RERE: variants seen among roughly 807,000 people sequenced by gnomAD.
RERE encodes arginine-glutamic acid dipeptide repeats.
RERE carries 40 observed loss-of-function variants against 146.1 expected under a neutral mutation model. The ratio of observed to expected loss-of-function variants is 0.27; its 90% CI spans 0.21 to 0.36. The LOEUF is 0.36. Ranked by LOEUF, RERE falls within the 10% of genes least tolerant of loss-of-function variation. RERE has a pLI of 1.00. For missense variants in RERE, 1,933 were observed against 2,138.7 expected (o/e 0.90, Z 1.90); for synonymous variants, 1,003 against 866.0 (o/e 1.16, Z -2.78).
At chr1:8,762,345 T>C (rs968378171) in intron 1 of RERE, among the ~76,000 whole-genome samples, 2 of 152,128 alleles carry the variant, frequency 1.3e-5, no homozygotes, top group Non-Finnish European at 2.9e-5. Context: ...AAAATATACT[T>C]GCACACAGTA....
intron 11 of RERE, among the ~76,000 whole-genome samples, chr1:8,427,800 G>T (rs1231754949): frequency 6.6e-6 from 1 of 152,058 alleles, no homozygotes; most frequent in African/African-American, 2.4e-5. Flanking sequence ...CCTGAAAATC[G>T]AAACAAAGAC....
At chr1:8,545,312 A>C (rs1164757157) in intron 6 of RERE, among the ~76,000 whole-genome samples, 1 of 152,200 alleles carries the variant, frequency 6.6e-6, no homozygotes, top group African/African-American at 2.4e-5. Context: ...TCATTTCAGT[A>C]ATCCTTCCGA....
At chr1:8,647,519 TATGA>T (rs1570560203) in intron 2 of RERE, among the ~76,000 whole-genome samples, 1 of 152,276 alleles carries the variant, frequency 6.6e-6, no homozygotes, top group Non-Finnish European at 1.5e-5. Context: ...CACCACAAAA[TATGA>T]ATGTTTCAAG....
chr1:8,816,415 C>G (rs1005310930), intron 1 of RERE, among the ~76,000 whole-genome samples: 2 of 152,136 alleles, frequency 1.3e-5, no homozygotes, highest in African/African-American at 2.4e-5. Flanking sequence ...AAATTGTAAG[C>G]AAACCTTGGA....
At chr1:8,813,668 A>G (rs7550782) in intron 1 of RERE, among the ~76,000 whole-genome samples, 139,793 of 149,072 alleles carry the variant, frequency 0.94, 65,654 homozygotes, top group East Asian at 1. Flanking sequence ...AGGATGGAGT[A>G]CAGTGGTGCC....
intron 12 of RERE, among the ~76,000 whole-genome samples, chr1:8,402,779 T>C (rs1263789238): frequency 2.0e-5 from 3 of 152,242 alleles, no homozygotes; most frequent in Non-Finnish European, 4.4e-5. Context: ...GCTTGCCTTC[T>C]TTTCCTAGCC....
chr1:8,442,398 A>G (rs1644261400), intron 11 of RERE, among the ~76,000 whole-genome samples: 1 of 151,774 alleles, frequency 6.6e-6, no homozygotes, highest in South Asian at 2.1e-4. Context: ...AAAAAAAAAA[A>G]AAAAAAAGCT....
intron 1 of RERE, among the ~76,000 whole-genome samples, chr1:8,758,856 A>C (rs1258589755): frequency 2.1e-5 from 3 of 140,278 alleles, no homozygotes; most frequent in Non-Finnish European, 4.7e-5. Context: ...TCCTCACCAC[A>C]AAAAAAAAAA....
intron 4 of RERE, among the ~76,000 whole-genome samples, chr1:8,587,714 T>C (rs181871178): frequency 4.6e-5 from 7 of 152,322 alleles, no homozygotes; most frequent in African/African-American, 1.7e-4. Flanking sequence ...ACCTTTCCAG[T>C]TCTATCCCCC....
At position 8,508,553 on chromosome 1, in the gene RERE, C is replaced by T. The variant is rs181993740; in HGVS notation, c.879+74G>A. 2,371 of 1,140,352 alleles carry T rather than the reference C, an allele frequency of 2.1e-3. 22 individuals carry two copies. The highest frequency in any genetic ancestry group is 3.6e-3 in the African/African-American group (229 of 64,390). The allele number at this position is 1,140,352 out of a possible 1,614,324, so 70.6% of individuals were successfully genotyped here. A position where few individuals can be genotyped will look rare whatever the true frequency, so the allele number is the denominator to read the frequency against. ...GCAATAACCACATTCTAAGATGCTGCGCAACAGAATAAAGTGCCAGCAGAG... is the reference window on the plus strand; with the variant it reads ...GCAATAACCACATTCTAAGATGCTGTGCAACAGAATAAAGTGCCAGCAGAG... On this transcript the variant is annotated intron_variant, in intron 8 of 22. Coordinates refer to ENST00000400908, the MANE Select transcript of RERE (RefSeq NM_001042681.2).
Position 8,363,964 on chromosome 1 carries a change from C to T in RERE, c.1740+92G>A, listed in dbSNP as rs191027207. The T allele has an allele frequency of 1.9e-4, 231 of 1,211,380 alleles. 1 individual carries two copies. Among genetic ancestry groups the T allele is most frequent in the African/African-American group, 1.7e-3 (112 of 66,708 alleles). The allele number at this position is 1,211,380 out of a possible 1,614,324, so 75.0% of individuals were successfully genotyped here. ...CCAGGACTTTGTCTGGTAAACAAGACTTTCGCTTCCTCCCCCTGGGAGGCT... is the reference window on the plus strand; with the variant it reads ...CCAGGACTTTGTCTGGTAAACAAGATTTTCGCTTCCTCCCCCTGGGAGGCT... On this transcript the variant is annotated intron_variant, in intron 15 of 22. Coordinates refer to ENST00000400908, the MANE Select transcript of RERE (RefSeq NM_001042681.2).
At chr1:8,555,399 C>T (rs1458540724) in intron 6 of RERE, among the ~76,000 whole-genome samples, 2 of 152,106 alleles carry the variant, frequency 1.3e-5, no homozygotes, top group African/African-American at 4.8e-5. Flanking sequence ...TCAGCTGACC[C>T]GAAAAGCTTG....
At chr1:8,416,392 T>A (rs1050455871) in intron 12 of RERE, among the ~76,000 whole-genome samples, 12 of 152,170 alleles carry the variant, frequency 7.9e-5, no homozygotes, top group African/African-American at 2.9e-4. Flanking sequence ...GAGACCATCC[T>A]GGTTAACATG....
rs1423757623 is a variant in RERE, at chr1:8,361,040, G to A, written c.2467C>T (p.His823Tyr). Residue 823 changes from histidine to tyrosine, a missense_variant, in exon 18 of 23, where the codon CAT (histidine) becomes TAT (tyrosine). By Grantham distance (83) the His-to-Tyr change is moderately conservative (BLOSUM62 2). Around this residue, in one of 11 missense-constraint regions of RERE, gnomAD observed 1,255 missense variants for 1,153.8 expected, o/e 1.09. Transcript: ENST00000400908. ...CCAGTCAGAGGCTGCAGCGGGGGAT[G>A]TGGCGAGGGATGCGGCGGGGGATGC... ...SPHPPPHPSP[H>Y]PPLQPLTGSA... 2 of 1,438,746 alleles carry A rather than the reference G, an allele frequency of 1.4e-6. No individual in the cohort carries two copies. Among genetic ancestry groups the A allele is most frequent in the Non-Finnish European group, 1.8e-6 (2 of 1,101,810 alleles). The allele number at this position is 1,438,746 out of a possible 1,614,324, so 89.1% of individuals were successfully genotyped here. A position where few individuals can be genotyped will look rare whatever the true frequency, so the allele number is the denominator to read the frequency against.
chr1:8,807,510 T>G (rs1287451287), intron 1 of RERE, among the ~76,000 whole-genome samples: 3 of 152,162 alleles, frequency 2.0e-5, no homozygotes, highest in Non-Finnish European at 4.4e-5. Flanking sequence ...CATTAGAGAT[T>G]TGAAGCCAGA....
chr1:8,778,730 G>A (rs1641112383), intron 1 of RERE, among the ~76,000 whole-genome samples: 1 of 152,062 alleles, frequency 6.6e-6, no homozygotes, highest in Non-Finnish European at 1.5e-5. Flanking sequence ...CAGCTACTCG[G>A]GAGGCTGAGG....
At chr1:8,530,625 A>G (rs568205499) in intron 7 of RERE, among the ~76,000 whole-genome samples, 1 of 150,938 alleles carries the variant, frequency 6.6e-6, no homozygotes, top group South Asian at 2.1e-4. Context: ...GTTTATTTAA[A>G]TTTCATTTAC....
chr1:8,466,582 T>C (rs11806357), intron 10 of RERE, among the ~76,000 whole-genome samples: 4,287 of 152,290 alleles, frequency 0.028, 172 homozygotes, highest in African/African-American at 0.097. Context: ...TTATGTTCTT[T>C]CTTTTTAGCA....
chr1:8,361,735 C>G, intron 17 of RERE, 28 bp downstream of exon 17: 1 of 1,569,088 alleles, frequency 6.4e-7, no homozygotes, highest in African/African-American at 1.4e-5. Context: ...ATTAGCTTTA[C>G]TCAGCAAGGC....
Sources: allele counts gnomAD v4.1 joint callset (sites outside exome capture counted in the v4.1 genomes callset), GRCh38; gene constraint gnomAD v4.1.1; regional missense constraint gnomAD v4.1.1; transcripts MANE v1.5; gene names NCBI Gene and HGNC (gene_info 2026-07-23, HGNC 2026-07-21).